Variants in CAMSAP1 observed in about 807,000 individuals in gnomAD.
CAMSAP1 encodes calmodulin-regulated spectrin-associated protein 1.
A neutral mutation model predicts 143.5 loss-of-function variants in CAMSAP1; 58 were observed. The ratio of observed to expected loss-of-function variants is 0.40; its 90% CI spans 0.33 to 0.50. The LOEUF is 0.50. Among genes scored for constraint, CAMSAP1 ranks in the 20% least tolerant of loss-of-function variants. The pLI is 0.45. For synonymous variants in CAMSAP1, 945 were observed against 859.3 expected (o/e 1.10, Z -1.74); for missense variants, 1,969 against 2,115.7 (o/e 0.93, Z 1.36).
rs772837042 is a variant in CAMSAP1, at chr9:135,820,127, C to T, written c.3822+712G>A. The stretch of plus-strand genomic sequence containing the variant: ...TGGCAGCGCCCCCCACAGGCCTCGG[C>T]TACATCAGCCACTGCTCCTAGACTA... On this transcript the variant is annotated intron_variant, in intron 11 of 16. Coordinates refer to ENST00000389532, the MANE Select transcript of CAMSAP1 (RefSeq NM_015447.4). The surrounding 1 kb of genome is among the most constrained non-coding windows in gnomAD (Gnocchi z 4.4). 2.6e-5 allele frequency among the ~76,000 whole-genome samples: 4 copies of T among 152,216 alleles called. No individual in the cohort carries two copies. Among genetic ancestry groups the T allele is most frequent in the Non-Finnish European group, 5.9e-5 (4 of 68,048 alleles).
intron 3 of CAMSAP1, among the ~76,000 whole-genome samples, chr9:135,879,412 A>C (rs1837859677): frequency 6.6e-6 from 1 of 152,156 alleles, no homozygotes; most frequent in Non-Finnish European, 1.5e-5. Flanking sequence ...TGCCCAAAAA[A>C]ATACGGGCAA....
chr9:135,838,979 G>A (rs560407921), intron 7 of CAMSAP1, among the ~76,000 whole-genome samples: 47 of 151,430 alleles, frequency 3.1e-4, no homozygotes, highest in Admixed American at 3.0e-3. Flanking sequence ...GCAGACACAC[G>A]TCACCACGCA....
chr9:135,857,009 C>A lies in CAMSAP1; in HGVS notation c.808+5458G>T, dbSNP rs142977962. ...AGTCATCTTCCTTCCAGGACTGTGGCTGAGGAATCTGGTGTCATTGGGGCT... is the reference window on the plus strand; with the variant it reads ...AGTCATCTTCCTTCCAGGACTGTGGATGAGGAATCTGGTGTCATTGGGGCT... On this transcript the variant is annotated intron_variant, in intron 5 of 16. Transcript: ENST00000389532. Among the ~76,000 whole-genome samples the A allele has an allele frequency of 1.0e-3, 153 of 152,320 alleles. No individual in the cohort carries two copies. In the East Asian group the frequency reaches 0.014, roughly 14 times the overall value.
At chr9:135,814,559 A>G (rs1835160501) in intron 16 of CAMSAP1, among the ~76,000 whole-genome samples, 1 of 152,048 alleles carries the variant, frequency 6.6e-6, no homozygotes, top group Non-Finnish European at 1.5e-5. Flanking sequence ...CTGGGCATGC[A>G]CACTGGGTGC....
At chr9:135,866,627 T>C in intron 3 of CAMSAP1, 91 bp from the exon 4 acceptor site, 2 of 687,800 alleles carry the variant, frequency 2.9e-6, no homozygotes, top group Non-Finnish European at 5.3e-6. Flanking sequence ...CCACTTCACC[T>C]GATTCACCTC....
chr9:135,856,141 T>C (rs912454656), intron 5 of CAMSAP1, among the ~76,000 whole-genome samples: 2 of 152,180 alleles, frequency 1.3e-5, no homozygotes, highest in Non-Finnish European at 2.9e-5. Context: ...CCTATATTAG[T>C]CCATCTTCAC....
chr9:135,871,442 C>T (rs1250809000), intron 3 of CAMSAP1, among the ~76,000 whole-genome samples: 1 of 152,186 alleles, frequency 6.6e-6, no homozygotes, highest in Non-Finnish European at 1.5e-5. Flanking sequence ...CCCACCTCAG[C>T]CTACCAAAGT....
rs946259886 is a variant in CAMSAP1, at chr9:135,823,283, T to C, written c.1401-23A>G. The C allele has an allele frequency of 3.3e-6, 5 of 1,532,788 alleles. No individual in the cohort carries two copies. In the African/African-American group the frequency reaches 4.1e-5, roughly 13 times the overall value. The allele number at this position is 1,532,788 out of a possible 1,614,324, so 94.9% of individuals were successfully genotyped here. ...GGCCTGAAACACAGGGAAGGCCCAC[T>C]GGGTGCGCTGCGGTATACACCAAAG... On this transcript the variant is annotated intron_variant, in intron 10 of 16. Transcript: ENST00000389532.
chr9:135,868,337 C>T (rs1008608000), intron 3 of CAMSAP1, among the ~76,000 whole-genome samples: 4 of 152,156 alleles, frequency 2.6e-5, no homozygotes, highest in African/African-American at 2.4e-5. Context: ...TCAGTGACCT[C>T]GGGACATGCA....
Position 135,809,795 on chromosome 9 carries a change from T to C in CAMSAP1, c.*1514A>G, listed in dbSNP as rs1834976136. 6.6e-6 allele frequency: 1 copy of C among 152,572 alleles called. No individual in the cohort carries two copies. The highest frequency in any genetic ancestry group is 2.1e-4 in the South Asian group (1 of 4,830). The allele number at this position is 152,572 out of a possible 1,614,324, so 9.5% of individuals were successfully genotyped here. ...GAGAGCGGCTGTGTCGAACACGATA[T>C]ATACAAAATCGCAAGAGACTGTACT... On this transcript the variant is annotated 3_prime_UTR_variant, in exon 17 of 17. Coordinates refer to ENST00000389532, the MANE Select transcript of CAMSAP1 (RefSeq NM_015447.4).
At chr9:135,830,829 T>C (rs1350888864) in intron 7 of CAMSAP1, among the ~76,000 whole-genome samples, 3 of 152,174 alleles carry the variant, frequency 2.0e-5, no homozygotes, top group Non-Finnish European at 4.4e-5. Context: ...AAGATCAAAA[T>C]CATGTCATGT....
At chr9:135,869,089 T>A (rs556851604) in intron 3 of CAMSAP1, among the ~76,000 whole-genome samples, 3 of 152,300 alleles carry the variant, frequency 2.0e-5, no homozygotes, top group African/African-American at 7.2e-5. Context: ...AAATGGTTAC[T>A]ATATAGTAAT....
chr9:135,843,988 A>G (rs1205748662), intron 7 of CAMSAP1, among the ~76,000 whole-genome samples: 3 of 152,092 alleles, frequency 2.0e-5, no homozygotes, highest in Non-Finnish European at 2.9e-5. Flanking sequence ...AGAGACTTAC[A>G]CTGCCACACA....
intron 3 of CAMSAP1, among the ~76,000 whole-genome samples, chr9:135,876,510 A>C (rs892158332): frequency 1.3e-5 from 2 of 152,168 alleles, no homozygotes; most frequent in Non-Finnish European, 2.9e-5. Context: ...TTACACATCC[A>C]CTCAAATGGC....
At chr9:135,899,856 C>T (rs546229863) in intron 1 of CAMSAP1, among the ~76,000 whole-genome samples, 70 of 152,262 alleles carry the variant, frequency 4.6e-4, no homozygotes, top group Admixed American at 1.0e-3. Flanking sequence ...GGGGAGTCTC[C>T]CTCCCTCTAC....
At chr9:135,862,373 C>T in intron 5 of CAMSAP1, 94 bp downstream of exon 5, 1 of 1,072,584 alleles carries the variant, frequency 9.3e-7, no homozygotes, top group Non-Finnish European at 1.3e-6. Context: ...TTTTCTTTCT[C>T]TTTTTTTTTT....
rs768077232 is a variant in CAMSAP1 at position 135,815,105 on chromosome 9, T to C, written c.4498A>G (p.Ile1500Val). 2 of 1,608,200 alleles carry C rather than the reference T, an allele frequency of 1.2e-6. No individual in the cohort carries two copies. The highest frequency in any genetic ancestry group is 1.7e-6 in the Non-Finnish European group (2 of 1,174,968). Residue 1500 changes from isoleucine to valine, a missense_variant, in exon 16 of 17, where the codon ATA becomes GTA. Ile to Val is a conservative substitution (Grantham distance 29). Transcript: ENST00000389532. ...TGAAACATGATACTTGCCTCCAATATGGAATTCTTGTGGGGTTCGTTCACT... is the reference window on the plus strand; with the variant it reads ...TGAAACATGATACTTGCCTCCAATACGGAATTCTTGTGGGGTTCGTTCACT... ...GKVNEPHKNS[I>V]LEELEKCDAN...
In CAMSAP1 at chr9:135,822,279, G is replaced by A. The variant is rs367690735; in HGVS notation, c.2382C>T (p.Pro794=). The A allele has an allele frequency of 1.1e-5, 18 of 1,613,890 alleles. No individual in the cohort carries two copies. Among genetic ancestry groups the A allele is most frequent in the Non-Finnish European group, 1.5e-5 (18 of 1,179,902 alleles). Residue 794 remains proline, a synonymous_variant, in exon 11 of 17, where the codon CCC becomes CCT. Coordinates refer to ENST00000389532, the MANE Select transcript of CAMSAP1 (RefSeq NM_015447.4). The surrounding 1 kb of genome is among the most constrained non-coding windows in gnomAD (Gnocchi z 6.1). The part of the protein sequence containing the change: ...DKDDASGRSS[P]CLSTASQMSS... ...TCATCTGAGAGGCTGTGCTCAGGCA[G>A]GGGCTCGAGCGGCCGCTGGCGTCAT...
At chr9:135,906,387 C>T (rs1043404780) in intron 1 of CAMSAP1, among the ~76,000 whole-genome samples, 2 of 152,244 alleles carry the variant, frequency 1.3e-5, no homozygotes, top group Admixed American at 1.3e-4. Context: ...GTTCCCAGGG[C>T]ACGAAACAGA....
Sources: gnomAD v4.1 joint callset for allele counts (sites outside exome capture counted in the v4.1 genomes callset) on GRCh38, gnomAD v4.1.1 for gene constraint, Gnocchi (gnomAD v3.1) non-coding constraint, MANE v1.5 for transcripts, NCBI Gene and HGNC (gene_info 2026-07-23, HGNC 2026-07-21) for gene names.